The following SLC4A2 variants were observed in gnomAD, a reference collection of about 807,000 sequenced individuals.
The protein encoded by SLC4A2 is anion exchange protein 2.
A neutral mutation model predicts 115.0 loss-of-function variants in SLC4A2; 36 were observed. That is an observed-to-expected ratio of 0.31 (90% confidence interval 0.24 to 0.41). The LOEUF (loss-of-function observed/expected upper bound fraction) is 0.41, where lower values mean the gene tolerates loss of function less well. SLC4A2 is among the 10% of genes least tolerant of loss of function. The pLI is 1.00. For synonymous variants in SLC4A2, 708 were observed against 708.3 expected (o/e 1.00, Z 0.01); for missense variants, 1,252 against 1,705.6 (o/e 0.73, Z 4.68).
At chr7:151,062,418 G>A in intron 2 of SLC4A2, 2 of 852,370 alleles carry the variant, frequency 2.3e-6, no homozygotes, top group Non-Finnish European at 1.7e-6. Flanking sequence ...GCCACGACTG[G>A]CCACGCCCCC....
At chr7:151,061,627 G>C (rs1167992833) in intron 1 of SLC4A2, 1 of 283,768 alleles carries the variant, frequency 3.5e-6, no homozygotes, top group Non-Finnish European at 6.7e-6. Context: ...CTTTCTCTCC[G>C]GGCCTGGGCC....
intron 2 of SLC4A2, chr7:151,062,704 C>T: frequency 3.4e-6 from 5 of 1,450,238 alleles, no homozygotes; most frequent in Non-Finnish European, 4.5e-6. Flanking sequence ...TGGCGGCAAG[C>T]TCCCTGCGCC....
At position 151,076,354 on chromosome 7, in the gene SLC4A2, C is replaced by T. The variant is rs552861749; in HGVS notation, c.3713C>T (p.Pro1238Leu). Residue 1238 changes from proline to leucine, a missense_variant, in exon 23 of 23, where the codon CCC (proline) becomes CTC (leucine). Physicochemically the swap from Pro to Leu is moderately conservative, Grantham distance 98. Transcript: ENST00000413384. The stretch of plus-strand genomic sequence containing the variant: ...GGTGTGGACGAGTACAATGAGATGC[C>T]CATGCCTGTGTAGCCGCCACCGAGG... ...REGVDEYNEM[P>L]MPV 2.0e-6 allele frequency: 3 copies of T among 1,507,982 alleles called. No homozygotes were observed. In the Admixed American group the frequency reaches 6.8e-5, roughly 34 times the overall value. 93.4% of individuals were successfully genotyped at this position (1,507,982 alleles called of 1,614,324 possible).
In SLC4A2 at chr7:151,064,709, C is replaced by T. The variant is rs1797170347; in HGVS notation, c.401C>T (p.Ala134Val). Residue 134 changes from alanine (A) to valine (V), a missense_variant, in exon 4 of 23, where the codon GCT becomes GTT. By Grantham distance (64) the Ala-to-Val change is moderately conservative (BLOSUM62 0). This residue lies in a region of SLC4A2 where 215 missense variants were observed against 205.2 expected (regional missense o/e 1.05). Transcript: ENST00000413384. ...GAAGATGAGGATGAGGCCAGCGAGG[C>T]TGAGGGGGCCCGGGCTCTCACTCAG... The part of the protein sequence containing the change: ...GEEDEDEASE[A>V]EGARALTQPS... The T allele has an allele frequency of 1.9e-6, 3 of 1,613,036 alleles. No homozygotes were observed. The highest frequency in any genetic ancestry group is 2.5e-6 in the Non-Finnish European group (3 of 1,179,480).
chr7:151,071,411 C>T lies in SLC4A2; in HGVS notation c.1997C>T (p.Ala666Val), dbSNP rs202137558. 1.2e-4 allele frequency: 188 copies of T among 1,598,990 alleles called. No homozygotes were observed. In the African/African-American group the frequency reaches 2.2e-3, roughly 18 times the overall value. Residue 666 changes from alanine (A) to valine (V), a missense_variant, in exon 14 of 23, where the codon GCG becomes GTG. Transcript: ENST00000413384. This position sits in a 1 kb window ranked among gnomAD's most constrained non-coding sequence, Gnocchi z 5.5. ...QDKALLQMVE[A>V]AGAAEDDPLR... The stretch of plus-strand genomic sequence containing the variant: ...GCAGCGCTCCTGCAGATGGTAGAGG[C>T]GGCAGGGGCAGCTGAAGATGATCCC...
At chr7:151,062,457 C>T (rs930141861) in intron 2 of SLC4A2, 3 of 1,128,670 alleles carry the variant, frequency 2.7e-6, no homozygotes, top group South Asian at 3.9e-5. Flanking sequence ...GCCCGCCCCT[C>T]CCTGCCCCCA....
At chr7:151,061,582 C>G (rs1308833752) in intron 1 of SLC4A2, 1 of 199,762 alleles carries the variant, frequency 5.0e-6, no homozygotes, top group Non-Finnish European at 1.0e-5. Context: ...CCCTCTTTCC[C>G]CAGCTCATTA....
rs779854635 is a variant in SLC4A2, at chr7:151,061,967, G to A, written c.-21G>A. 1 of 1,608,776 alleles carries A rather than the reference G, an allele frequency of 6.2e-7. No individual in the cohort carries two copies. Among genetic ancestry groups the A allele is most frequent in the Non-Finnish European group, 8.5e-7 (1 of 1,179,034 alleles). On this transcript the variant is annotated 5_prime_UTR_variant, in exon 2 of 23. Transcript: ENST00000413384. ...TTGCCCTGAAAGCCGCAGCGACAGC[G>A]AAAAGGGCTAAGATTCGGCCATGAG...
Position 151,069,931 on chromosome 7 carries a change from T to G in SLC4A2, c.1148-16T>G. 1 of 1,613,596 alleles carries G rather than the reference T, an allele frequency of 6.2e-7. No homozygotes were observed. The highest frequency in any genetic ancestry group is 8.5e-7 in the Non-Finnish European group (1 of 1,179,954). ...TGACCTGGGGCTGAGGGGCCCTCTG[T>G]GCCATCTTATGCTAGGGGCTGTGCT... On this transcript the variant is annotated splice_polypyrimidine_tract_variant and intron_variant, in intron 8 of 22. Transcript: ENST00000413384.
rs1345381791 is a variant in SLC4A2 at position 151,060,448 on chromosome 7, G to C, written c.-64+686G>C. 2.0e-5 allele frequency among the ~76,000 whole-genome samples: 3 copies of C among 152,220 alleles called. No individual in the cohort carries two copies. The highest frequency in any genetic ancestry group is 4.4e-5 in the Non-Finnish European group (3 of 68,040). On this transcript the variant is annotated intron_variant, in intron 1 of 22. Coordinates refer to ENST00000413384, the MANE Select transcript of SLC4A2 (RefSeq NM_003040.4). The surrounding 1 kb of genome is among the most constrained non-coding windows in gnomAD (Gnocchi z 5.9). The stretch of plus-strand genomic sequence containing the variant: ...CTTGGGGGGTGGTTAATGCCCAAGT[G>C]GGGGTCCGAGGTGCTAATCCCTTGG...
chr7:151,064,446 G>T, intron 3 of SLC4A2, 79 bp downstream of exon 3: 3 of 1,574,256 alleles, frequency 1.9e-6, no homozygotes. Flanking sequence ...GGGTCCTAGT[G>T]GGAGGAGTGG....
At chr7:151,075,819 A>C in intron 21 of SLC4A2, 44 bp downstream of exon 21, 1 of 1,574,500 alleles carries the variant, frequency 6.4e-7, no homozygotes, top group South Asian at 1.1e-5. Context: ...GCCTCTGGCC[A>C]TCCTGGTCTA....
intron 2 of SLC4A2, chr7:151,062,999 C>T (rs561413029): frequency 4.1e-4 from 593 of 1,430,524 alleles, no homozygotes; most frequent in Non-Finnish European, 4.0e-4. Context: ...GATCCCGATG[C>T]CCTTCAGGTC....
chr7:151,071,701 A>G lies in SLC4A2; in HGVS notation c.2204A>G (p.Gln735Arg). 6.2e-7 allele frequency: 1 copy of G among 1,609,556 alleles called. No individual in the cohort carries two copies. The highest frequency in any genetic ancestry group is 1.1e-5 in the South Asian group (1 of 90,806). Residue 735 changes from glutamine (Q) to arginine (R), a missense_variant, in exon 15 of 23, where the codon CAG becomes CGG. This residue lies in a region of SLC4A2 where 118 missense variants were observed against 203.3 expected (regional missense o/e 0.58). Transcript: ENST00000413384. The surrounding 1 kb of genome is among the most constrained non-coding windows in gnomAD (Gnocchi z 5.5). ...TFGGLLGEKT[Q>R]DLIGVSELIM... ...CCTACACCCCTAGGAGAGAAGACGC[A>G]GGACCTGATAGGGGTGTCGGAGCTG...
At chr7:151,062,827 C>T in intron 2 of SLC4A2, 1 of 1,377,226 alleles carries the variant, frequency 7.3e-7, no homozygotes. Flanking sequence ...AGCCAGCCCC[C>T]TGGCCCGCTC....
chr7:151,064,213 G>C lies in SLC4A2; in HGVS notation c.63G>C (p.Glu21Asp), dbSNP rs1034515158. 2 of 1,612,342 alleles carry C rather than the reference G, an allele frequency of 1.2e-6. No homozygotes were observed. The highest frequency in any genetic ancestry group is 2.7e-5 in the African/African-American group (2 of 74,956). The change falls in exon 3 of 23, where the codon GAG becomes GAC. Residue 21 changes from glutamate (E) to aspartate (D), a missense_variant. Physicochemically the swap from Glu to Asp is conservative, Grantham distance 45 (BLOSUM62 2). Around this residue, in one of 14 missense-constraint regions of SLC4A2, gnomAD observed 74 missense variants for 85.3 expected, o/e 0.87. Coordinates refer to ENST00000413384, the MANE Select transcript of SLC4A2 (RefSeq NM_003040.4). Reference protein sequence around the residue: ...GADSFCTPEPESLGPGTPGFP... With the variant: ...GADSFCTPEPDSLGPGTPGFP... ...CTTCTTCCTCACAGCCAGAGCCAGA[G>C]AGCTTGGGCCCTGGGACGCCTGGGT...
In SLC4A2 at chr7:151,060,714, G is replaced by GT. The variant is rs1563335662; in HGVS notation, c.-64+952_-64+953insT. Among the ~76,000 whole-genome samples, 13 of 152,124 alleles carry GT rather than the reference G, an allele frequency of 8.5e-5. No individual in the cohort carries two copies. Among genetic ancestry groups the GT allele is most frequent in the Admixed American group, 8.5e-4 (13 of 15,282 alleles). On this transcript the variant is annotated intron_variant, in intron 1 of 22. Coordinates refer to ENST00000413384, the MANE Select transcript of SLC4A2 (RefSeq NM_003040.4). This position sits in a 1 kb window ranked among gnomAD's most constrained non-coding sequence, Gnocchi z 5.9. ...CCCTTCCCAGACTGGGTGCACTCAC[G>GT]CTCACCCACACCACCCGCCCTGGCT...
intron 8 of SLC4A2, among the ~76,000 whole-genome samples, chr7:151,069,123 A>G (rs1391035423): frequency 7.3e-6 from 1 of 136,498 alleles, no homozygotes; most frequent in Non-Finnish European, 1.5e-5. Context: ...TGAACGACAG[A>G]GCGAGACTCT....
At chr7:151,072,427 G>A (rs1246996768) in intron 16 of SLC4A2, among the ~76,000 whole-genome samples, 1 of 152,082 alleles carries the variant, frequency 6.6e-6, no homozygotes, top group East Asian at 1.9e-4. Context: ...AAGTAGCTGG[G>A]ATTATAGGTG....
Sources: allele counts gnomAD v4.1 joint callset (sites outside exome capture counted in the v4.1 genomes callset), GRCh38; gene constraint gnomAD v4.1.1; regional missense constraint gnomAD v4.1.1; non-coding constraint Gnocchi (gnomAD v3.1); transcripts MANE v1.5; gene names NCBI Gene and HGNC (gene_info 2026-07-23, HGNC 2026-07-21).